The following ZMIZ2 variants were observed in gnomAD, a reference collection of about 807,000 sequenced individuals.
ZMIZ2 encodes the protein zinc finger MIZ domain-containing protein 2.
In ZMIZ2, 26 loss-of-function variants were observed where a neutral mutation model predicts 93.9. The ratio of observed to expected loss-of-function variants is 0.28; its 90% CI spans 0.20 to 0.38. The LOEUF is 0.38. Among genes scored for constraint, ZMIZ2 ranks in the 10% least tolerant of loss-of-function variants. The pLI is 1.00. For missense variants in ZMIZ2, 1,023 were observed against 1,235.0 expected, an observed-to-expected ratio of 0.83 and a Z score of 2.57; for synonymous variants, 485 against 516.4, an observed-to-expected ratio of 0.94 and a Z score of 0.82.
At chr7:44,755,814 C>A (rs957056095) in intron 1 of ZMIZ2, among the ~76,000 whole-genome samples, 6 of 152,164 alleles carry the variant, frequency 3.9e-5, no homozygotes, top group Admixed American at 3.9e-4. Context: ...CTCTCTAAAC[C>A]CCAGTTTCCA....
In ZMIZ2 at chr7:44,754,077, A is replaced by G. The variant is rs144167505; in HGVS notation, c.-62-2111A>G. 2.9e-4 allele frequency among the ~76,000 whole-genome samples: 44 copies of G among 152,322 alleles called. No individual in the cohort carries two copies. The South Asian group carries it at 3.3e-3, about 11-fold the overall frequency. On this transcript the variant is annotated intron_variant, in intron 1 of 18. Transcript: ENST00000309315. ...CCACACAGTTTTGATTACCATATCTATATTCTAAGTCCTAAAATCTGTGTA... is the reference window on the plus strand; with the variant it reads ...CCACACAGTTTTGATTACCATATCTGTATTCTAAGTCCTAAAATCTGTGTA...
rs928100945 is a variant in ZMIZ2 at position 44,757,294 on chromosome 7, G to A, written c.369-84G>A. 12 of 1,539,704 alleles carry A rather than the reference G, an allele frequency of 7.8e-6. No individual in the cohort carries two copies. In the African/African-American group the frequency reaches 1.7e-4, roughly 21 times the overall value. ...GGTCTAGAAAGAATGGGCTCCCCCT[G>A]GGTGCTGCATGCCTCTGGGGTGAGC... is the stretch of plus-strand genomic sequence containing the variant. On this transcript the variant is annotated intron_variant, in intron 4 of 18. Coordinates refer to ENST00000309315, the MANE Select transcript of ZMIZ2 (RefSeq NM_031449.4).
intron 4 of ZMIZ2, 53 bp from the exon 5 acceptor site, chr7:44,757,325 C>A: frequency 1.3e-6 from 2 of 1,580,572 alleles, no homozygotes; most frequent in South Asian, 1.1e-5. Flanking sequence ...TGAGCACAGT[C>A]CTGGCCCTCA....
chr7:44,759,754 C>T, intron 7 of ZMIZ2: 1 of 460,578 alleles, frequency 2.2e-6, no homozygotes. Flanking sequence ...CAGGTGGGTA[C>T]CCAAAACATT....
intron 6 of ZMIZ2, 78 bp from the exon 7 acceptor site, chr7:44,759,203 C>T (rs558056913): frequency 9.1e-5 from 122 of 1,339,188 alleles, no homozygotes; most frequent in Middle Eastern, 7.8e-4. Flanking sequence ...CCCTGCCACA[C>T]ATGAGACTCT....
Position 44,763,978 on chromosome 7 carries a change from A to G in ZMIZ2, c.1861-441A>G, listed in dbSNP as rs1791451008. ...ATGGTGAAACCCTGTCTCTACTAAA[A>G]TTACAAAAATTAGCTGGGGCATGGT... On this transcript the variant is annotated intron_variant, in intron 13 of 18. Coordinates refer to ENST00000309315, the MANE Select transcript of ZMIZ2 (RefSeq NM_031449.4). This position sits in a 1 kb window ranked among gnomAD's most constrained non-coding sequence, Gnocchi z 5.6. 6.6e-6 allele frequency among the ~76,000 whole-genome samples: 1 copy of G among 152,084 alleles called. No individual in the cohort carries two copies. The highest frequency in any genetic ancestry group is 1.5e-5 in the Non-Finnish European group (1 of 68,010).
intron 7 of ZMIZ2, 109 bp from the exon 8 acceptor site, chr7:44,760,042 C>G: frequency 2.7e-6 from 3 of 1,098,586 alleles, no homozygotes; most frequent in Non-Finnish European, 4.1e-6. Context: ...TTGGAAAATA[C>G]AAGAGAGTGT....
intron 6 of ZMIZ2, 116 bp from the exon 7 acceptor site, chr7:44,759,165 G>A (rs1257820356): frequency 4.2e-6 from 4 of 942,110 alleles, no homozygotes; most frequent in African/African-American, 1.7e-5. Context: ...GGATCTTCAA[G>A]GGAACCAGGA....
In ZMIZ2 at chr7:44,765,074, G is replaced by A. The variant is rs375682513; in HGVS notation, c.1997+65G>A. 64 of 1,588,626 alleles carry A rather than the reference G, an allele frequency of 4.0e-5. No homozygotes were observed. Among genetic ancestry groups the A allele is most frequent in the Non-Finnish European group, 5.2e-5 (60 of 1,158,240 alleles). The stretch of plus-strand genomic sequence containing the variant: ...CTGGAGGGCAGCCCCAGGACATGTC[G>A]GGGGATGTCCCTTGCCAAGTGCAGC... On this transcript the variant is annotated intron_variant, in intron 15 of 18. Coordinates refer to ENST00000309315, the MANE Select transcript of ZMIZ2 (RefSeq NM_031449.4). The surrounding 1 kb of genome is among the most constrained non-coding windows in gnomAD (Gnocchi z 4.1).
chr7:44,766,583 C>G lies in ZMIZ2; in HGVS notation c.2575C>G (p.Leu859Val). 6.2e-7 allele frequency: 1 copy of G among 1,613,686 alleles called. No homozygotes were observed. The highest frequency in any genetic ancestry group is 8.5e-7 in the Non-Finnish European group (1 of 1,180,030). Residue 859 changes from leucine (L) to valine (V), a missense_variant, in exon 18 of 19, where the codon CTG (leucine) becomes GTG (valine). Transcript: ENST00000309315. The surrounding 1 kb of genome is among the most constrained non-coding windows in gnomAD (Gnocchi z 4.4). ...GQASLGPTGELAFSPATGVMG... is the reference protein window; with the variant it reads ...GQASLGPTGEVAFSPATGVMG... ...AGCGAGCTTAGGACCTACGGGTGAACTGGCCTTCAGTCCTGCCACAGGCGT... is the reference window on the plus strand; with the variant it reads ...AGCGAGCTTAGGACCTACGGGTGAAGTGGCCTTCAGTCCTGCCACAGGCGT...
intron 13 of ZMIZ2, among the ~76,000 whole-genome samples, 163 bp from the exon 14 acceptor site, chr7:44,764,256 C>T (rs557682689): frequency 1.3e-5 from 2 of 152,344 alleles, no homozygotes; most frequent in African/African-American, 4.8e-5. Flanking sequence ...CTGTTCCCAA[C>T]CTTGATCCAT....
intron 1 of ZMIZ2, chr7:44,751,035 A>C (rs1295252719): frequency 6.7e-6 from 1 of 149,152 alleles, no homozygotes; most frequent in Non-Finnish European, 1.5e-5. Context: ...CTGTCCTCAG[A>C]GAGGAGACCA....
intron 11 of ZMIZ2, 126 bp downstream of exon 11, chr7:44,762,031 G>A (rs1436970987): frequency 4.7e-5 from 60 of 1,263,916 alleles, no homozygotes; most frequent in Non-Finnish European, 5.7e-5. Flanking sequence ...CAGTGGGAGC[G>A]GAGCCAGGAC....
intron 1 of ZMIZ2, among the ~76,000 whole-genome samples, chr7:44,750,589 T>G (rs1470951758): frequency 1.3e-5 from 2 of 152,118 alleles, no homozygotes; most frequent in Admixed American, 1.3e-4. Flanking sequence ...CCTAGCTGAC[T>G]AGGCAGGCAG....
intron 7 of ZMIZ2, 39 bp from the exon 8 acceptor site, chr7:44,760,112 G>T: frequency 6.2e-7 from 1 of 1,613,152 alleles, no homozygotes; most frequent in Non-Finnish European, 8.5e-7. Context: ...GCAGGGGTCA[G>T]GTTGGAGCCC....
chr7:44,762,353 C>T (rs543021271), intron 11 of ZMIZ2, among the ~76,000 whole-genome samples: 4 of 152,306 alleles, frequency 2.6e-5, no homozygotes, highest in African/African-American at 9.6e-5. Flanking sequence ...TCATGGAGCT[C>T]GGAGTCCCCG....
rs1791762878 is a variant in ZMIZ2, at chr7:44,766,863, A to G, written c.2655+200A>G. On this transcript the variant is annotated intron_variant, in intron 18 of 18. Transcript: ENST00000309315. This position sits in a 1 kb window ranked among gnomAD's most constrained non-coding sequence, Gnocchi z 4.4. ...GATGCGATGTACCACATTTGTGTTC[A>G]TGAGGGGCCTGGATGCCGTACGGGC... 6.6e-6 allele frequency among the ~76,000 whole-genome samples: 1 copy of G among 152,146 alleles called. No homozygotes were observed. Among genetic ancestry groups the G allele is most frequent in the Non-Finnish European group, 1.5e-5 (1 of 68,028 alleles).
In ZMIZ2 at chr7:44,761,765, T is replaced by A; in HGVS notation, c.1456T>A (p.Ser486Thr). The A allele has an allele frequency of 5.6e-6, 9 of 1,613,936 alleles. No homozygotes were observed. Among genetic ancestry groups the A allele is most frequent in the Non-Finnish European group, 7.6e-6 (9 of 1,180,000 alleles). Residue 486 changes from serine to threonine, a missense_variant, in exon 11 of 19, where the codon TCG becomes ACG. Coordinates refer to ENST00000309315, the MANE Select transcript of ZMIZ2 (RefSeq NM_031449.4). This position sits in a 1 kb window ranked among gnomAD's most constrained non-coding sequence, Gnocchi z 5.8. The part of the protein sequence containing the change: ...DRQMNTNWPA[S>T]VQVSVNATPL... Reference sequence around the variant, plus strand: ...GCAGATGAACACCAACTGGCCAGCCTCGGTGCAGGTCAGCGTCAATGCCAC... The same window carrying A: ...GCAGATGAACACCAACTGGCCAGCCACGGTGCAGGTCAGCGTCAATGCCAC...
In ZMIZ2 at chr7:44,760,418, C is replaced by A; in HGVS notation, c.1072-7C>A. 1 of 1,613,558 alleles carries A rather than the reference C, an allele frequency of 6.2e-7. No homozygotes were observed. ...TCTGCCTTGACTGTTTGTGCTCAAC[C>A]CTACAGCCTACCCGTTCCATCCCGG... On this transcript the variant is annotated splice_polypyrimidine_tract_variant and splice_region_variant and intron_variant, in intron 8 of 18. Coordinates refer to ENST00000309315, the MANE Select transcript of ZMIZ2 (RefSeq NM_031449.4).
Sources: allele counts gnomAD v4.1 joint callset (sites outside exome capture counted in the v4.1 genomes callset), GRCh38; gene constraint gnomAD v4.1.1; non-coding constraint Gnocchi (gnomAD v3.1); transcripts MANE v1.5; gene names NCBI Gene and HGNC (gene_info 2026-07-23, HGNC 2026-07-21).